KLF15: variants seen among roughly 807,000 people sequenced by gnomAD.
KLF15 encodes the protein KLF transcription factor 15.
A neutral mutation model predicts 24.6 loss-of-function variants in KLF15; 4 were observed. The ratio of observed to expected loss-of-function variants is 0.16; its 90% CI spans 0.08 to 0.37. The LOEUF (loss-of-function observed/expected upper bound fraction) is 0.37, where lower values mean the gene tolerates loss of function less well. KLF15 is among the 10% of genes least tolerant of loss of function. The pLI, the probability that KLF15 is intolerant of heterozygous loss-of-function variation, is 1.00. For synonymous variants in KLF15, 246 were observed against 236.3 expected, an observed-to-expected ratio of 1.04 and a Z score of -0.37; for missense variants, 496 against 560.6, an observed-to-expected ratio of 0.88 and a Z score of 1.16.
At chr3:126,353,226 C>T (rs1273151475) in intron 1 of KLF15, among the ~76,000 whole-genome samples, 1 of 152,350 alleles carries the variant, frequency 6.6e-6, no homozygotes, top group Admixed American at 6.5e-5. Flanking sequence ...GCACATATGT[C>T]TGTGAACAAC....
chr3:126,302,941 T>G, the KLF15 span, among the ~76,000 whole-genome samples: 1 of 152,266 alleles, frequency 6.6e-6, no homozygotes, highest in African/African-American at 2.4e-5. Flanking sequence ...ATCTTGCTAC[T>G]TGTTCTCTAT....
downstream of KLF15, among the ~76,000 whole-genome samples, chr3:126,338,178 A>G (rs2082453660): frequency 6.6e-6 from 1 of 152,232 alleles, no homozygotes; most frequent in African/African-American, 2.4e-5. Flanking sequence ...TAAGGCCACC[A>G]GCTTGGGAAG....
the KLF15 span, among the ~76,000 whole-genome samples, chr3:126,295,426 G>A: frequency 2.6e-5 from 4 of 152,154 alleles, no homozygotes; most frequent in Admixed American, 6.5e-5. Flanking sequence ...CTGTACCCCC[G>A]TCACCATATG....
At chr3:126,323,425 ATATATATAT>A in the KLF15 span, among the ~76,000 whole-genome samples, 1 of 34,910 alleles carries the variant, frequency 2.9e-5, no homozygotes, top group African/African-American at 8.6e-5. Flanking sequence ...ATATATATAT[ATATATATAT>A]AACATATATA....
downstream of KLF15, among the ~76,000 whole-genome samples, chr3:126,340,580 T>C (rs750200589): frequency 2.6e-5 from 4 of 152,086 alleles, no homozygotes; most frequent in Non-Finnish European, 4.4e-5. Flanking sequence ...CTCTACCTAG[T>C]ACAGTGATCA....
the KLF15 span, among the ~76,000 whole-genome samples, chr3:126,289,801 G>A: frequency 6.6e-6 from 1 of 152,140 alleles, no homozygotes; most frequent in Non-Finnish European, 1.5e-5. Flanking sequence ...GACAAGCCTC[G>A]ATCAACTTAG....
At chr3:126,355,688 A>C (rs2082624685) in intron 1 of KLF15, among the ~76,000 whole-genome samples, 1 of 152,242 alleles carries the variant, frequency 6.6e-6, no homozygotes, top group African/African-American at 2.4e-5. Context: ...CATATCCCAG[A>C]GTCTAAAACA....
At chr3:126,300,004 C>A in the KLF15 span, among the ~76,000 whole-genome samples, 1 of 152,112 alleles carries the variant, frequency 6.6e-6, no homozygotes. Context: ...GGTGTACGTG[C>A]CCCCACGTGT....
chr3:126,350,736 C>T (rs1246034891), intron 2 of KLF15, among the ~76,000 whole-genome samples: 5 of 152,254 alleles, frequency 3.3e-5, no homozygotes, highest in African/African-American at 4.8e-5. Flanking sequence ...TATGGTCACA[C>T]GGCACAGACA....
At position 126,352,414 on chromosome 3, in the gene KLF15, C is replaced by A. The variant is rs765598537; in HGVS notation, c.509G>T (p.Cys170Phe). 4.2e-5 allele frequency: 68 copies of A among 1,613,342 alleles called. 1 individual carries two copies. Among genetic ancestry groups the A allele is most frequent in the South Asian group, 2.9e-4 (26 of 91,076 alleles). ...GTGTGGCCCAGCTGAGAGCTGGCTGCAGGCATCCAAGTCCTTGCTGTTGCC... is the reference window on the plus strand; with the variant it reads ...GTGTGGCCCAGCTGAGAGCTGGCTGAAGGCATCCAAGTCCTTGCTGTTGCC... ...PEGNSKDLDA[C>F]SQLSAGPHKS... The change falls in exon 2 of 3, where the codon TGC (cysteine) becomes TTC (phenylalanine). Residue 170 changes from cysteine (C) to phenylalanine (F), a missense_variant. Physicochemically the swap from Cys to Phe is radical, Grantham distance 205. This residue lies in a region of KLF15 where 399 missense variants were observed against 423.1 expected (regional missense o/e 0.94). Coordinates refer to ENST00000296233, the MANE Select transcript of KLF15 (RefSeq NM_014079.4).
chr3:126,306,389 G>T, the KLF15 span, among the ~76,000 whole-genome samples: 11 of 152,284 alleles, frequency 7.2e-5, no homozygotes, highest in Non-Finnish European at 1.2e-4. Context: ...TGTGTCAGCT[G>T]TTCCCCACCC....
the KLF15 span, among the ~76,000 whole-genome samples, chr3:126,301,086 C>T: frequency 0.056 from 8,561 of 152,280 alleles, 342 homozygotes; most frequent in South Asian, 0.18. Context: ...CCCCGGTTTC[C>T]GCATCTGTTT....
At chr3:126,312,274 A>G in the KLF15 span, among the ~76,000 whole-genome samples, 50 of 152,334 alleles carry the variant, frequency 3.3e-4, 2 homozygotes, top group South Asian at 0.01. Flanking sequence ...GCCAGGCTCA[A>G]GGGATCCTCC....
the KLF15 span, among the ~76,000 whole-genome samples, chr3:126,303,548 G>C: frequency 6.6e-6 from 1 of 151,340 alleles, no homozygotes; most frequent in Admixed American, 6.6e-5. Flanking sequence ...TTTTTCTATG[G>C]CTCATTTTAA....
chr3:126,335,290 A>T, the KLF15 span, among the ~76,000 whole-genome samples: 1 of 146,458 alleles, frequency 6.8e-6, no homozygotes, highest in Non-Finnish European at 1.5e-5. Flanking sequence ...AATAAATGTA[A>T]TCCAGCATAT....
At chr3:126,301,657 C>T in the KLF15 span, among the ~76,000 whole-genome samples, 1 of 149,048 alleles carries the variant, frequency 6.7e-6, no homozygotes, top group Non-Finnish European at 1.5e-5. Context: ...TGTTGTCGCC[C>T]AGGCTGGAGT....
rs143583383 is a variant in KLF15, at chr3:126,354,565, C to T, written c.-25-1618G>A. 6.6e-4 allele frequency among the ~76,000 whole-genome samples: 100 copies of T among 152,298 alleles called. No individual in the cohort carries two copies. In the East Asian group the frequency reaches 0.018, roughly 28 times the overall value. ...TTCCCAACTTACCCAGGAAGCTTCA[C>T]GGAGCTCCAGGAAACTAAGGCAAGG... On this transcript the variant is annotated intron_variant, in intron 1 of 2. Transcript: ENST00000296233.
At chr3:126,289,910 C>CTTTAA in the KLF15 span, among the ~76,000 whole-genome samples, 1 of 152,162 alleles carries the variant, frequency 6.6e-6, no homozygotes, top group Admixed American at 6.5e-5. Context: ...AGGAAAAAGC[C>CTTTAA]AGCTGGAGGG....
chr3:126,322,809 G>T, the KLF15 span, among the ~76,000 whole-genome samples: 3 of 152,328 alleles, frequency 2.0e-5, no homozygotes, highest in African/African-American at 7.2e-5. Flanking sequence ...AACTGATCAA[G>T]CCAGGCAAAG....
Sources: gnomAD v4.1 joint callset for allele counts (sites outside exome capture counted in the v4.1 genomes callset) on GRCh38, gnomAD v4.1.1 for gene constraint, gnomAD v4.1.1 regional missense constraint, MANE v1.5 for transcripts, NCBI Gene and HGNC (gene_info 2026-07-23, HGNC 2026-07-21) for gene names.